Variants in IMMP2L observed in about 807,000 individuals in gnomAD.
IMMP2L encodes the protein inner mitochondrial membrane peptidase subunit 2.
A neutral mutation model predicts 19.3 loss-of-function variants in IMMP2L; 18 were observed. The ratio of observed to expected loss-of-function variants is 0.93; its 90% CI spans 0.64 to 1.38. The LOEUF (loss-of-function observed/expected upper bound fraction) is 1.38, where lower values mean the gene tolerates loss of function less well. Among genes scored for constraint, IMMP2L ranks in the 40% most tolerant of loss-of-function variants. The pLI, the probability that IMMP2L is intolerant of heterozygous loss-of-function variation, is 0.00. For missense variants in IMMP2L, 233 were observed against 218.2 expected, an observed-to-expected ratio of 1.07 and a Z score of -0.43; for synonymous variants, 76 against 73.0, an observed-to-expected ratio of 1.04 and a Z score of -0.21.
At chr7:111,033,167 A>G (rs1791005881) in intron 3 of IMMP2L, among the ~76,000 whole-genome samples, 1 of 152,306 alleles carries the variant, frequency 6.6e-6, no homozygotes, top group Admixed American at 6.5e-5. Flanking sequence ...AAAAATAAGA[A>G]TGGGCAAAAG....
At chr7:111,406,365 C>G (rs1029349111) in intron 3 of IMMP2L, among the ~76,000 whole-genome samples, 4 of 152,094 alleles carry the variant, frequency 2.6e-5, no homozygotes, top group Non-Finnish European at 5.9e-5. Context: ...ACTCAAGTCA[C>G]AACCATTTTC....
intron 3 of IMMP2L, among the ~76,000 whole-genome samples, chr7:111,004,682 A>G (rs746290972): frequency 5.9e-5 from 9 of 151,686 alleles, no homozygotes; most frequent in Non-Finnish European, 1.5e-5. Flanking sequence ...CAGTCACCCA[A>G]CCCCCTTCAA....
chr7:110,697,700 G>A (rs927466827), intron 5 of IMMP2L, among the ~76,000 whole-genome samples: 11 of 152,042 alleles, frequency 7.2e-5, no homozygotes, highest in African/African-American at 2.7e-4. Flanking sequence ...AGGCTGATTT[G>A]GGAAGATCAC....
chr7:111,281,910 ATGT>A (rs1483656703), intron 3 of IMMP2L, among the ~76,000 whole-genome samples: 1 of 152,186 alleles, frequency 6.6e-6, no homozygotes, highest in Non-Finnish European at 1.5e-5. Context: ...AAATCATGAA[ATGT>A]TGTTAAGCTA....
At chr7:111,169,880 T>TA (rs1381399054) in intron 3 of IMMP2L, among the ~76,000 whole-genome samples, 1 of 151,900 alleles carries the variant, frequency 6.6e-6, no homozygotes. Flanking sequence ...TCAGATCCAG[T>TA]GGTTCTCTTC....
intron 3 of IMMP2L, among the ~76,000 whole-genome samples, chr7:111,010,188 C>G (rs1002059172): frequency 6.6e-6 from 1 of 152,110 alleles, no homozygotes; most frequent in African/African-American, 2.4e-5. Flanking sequence ...TATCATTCTG[C>G]TTCCTTTCTT....
intron 3 of IMMP2L, among the ~76,000 whole-genome samples, chr7:111,058,963 C>CT (rs962695733): frequency 3.3e-5 from 5 of 151,798 alleles, no homozygotes; most frequent in African/African-American, 4.8e-5. Flanking sequence ...TCTCACATCT[C>CT]TTTTTTTTAA....
At position 111,547,396 on chromosome 7, in the gene IMMP2L, T is replaced by C. The variant is rs150165131; in HGVS notation, c.-3+14455A>G. Among the ~76,000 whole-genome samples, 408 of 152,112 alleles carry C rather than the reference T, an allele frequency of 2.7e-3. 6 individuals carry two copies. Among genetic ancestry groups the C allele is most frequent in the African/African-American group, 9.3e-3 (385 of 41,500 alleles). The stretch of plus-strand genomic sequence containing the variant: ...TCTAATAATAAAAAATCATAGTTGA[T>C]TCTCACTTTATCATAAAATCCAAAA... On this transcript the variant is annotated intron_variant, in intron 1 of 5. Coordinates refer to ENST00000405709, the MANE Select transcript of IMMP2L (RefSeq NM_032549.4).
intron 2 of IMMP2L, among the ~76,000 whole-genome samples, chr7:111,516,363 GA>G (rs1307600792): frequency 6.6e-6 from 1 of 151,768 alleles, no homozygotes; most frequent in African/African-American, 2.4e-5. Context: ...AGAGGAAGAG[GA>G]GGGGGAGGAG....
At chr7:111,267,687 T>C (rs1817976776) in intron 3 of IMMP2L, among the ~76,000 whole-genome samples, 1 of 152,170 alleles carries the variant, frequency 6.6e-6, no homozygotes, top group South Asian at 2.1e-4. Context: ...GGTAATATTT[T>C]TTTTCTTTTT....
chr7:111,421,934 C>T (rs1835597606), intron 3 of IMMP2L, among the ~76,000 whole-genome samples: 1 of 151,872 alleles, frequency 6.6e-6, no homozygotes, highest in Non-Finnish European at 1.5e-5. Context: ...CAGCTTTCTA[C>T]ATACAGCTAG....
intron 4 of IMMP2L, among the ~76,000 whole-genome samples, chr7:110,934,160 T>C (rs897458010): frequency 1.3e-5 from 2 of 152,232 alleles, no homozygotes; most frequent in Admixed American, 6.5e-5. Flanking sequence ...TGAGGGGGTT[T>C]CTTAATCCTG....
chr7:111,091,980 G>T (rs932668298), intron 3 of IMMP2L, among the ~76,000 whole-genome samples: 2 of 152,126 alleles, frequency 1.3e-5, no homozygotes, highest in Non-Finnish European at 2.9e-5. Context: ...TCTCTGTTTT[G>T]AAATCAACCC....
chr7:110,869,030 T>C (rs1230107154), intron 5 of IMMP2L, among the ~76,000 whole-genome samples: 1 of 152,136 alleles, frequency 6.6e-6, no homozygotes, highest in Non-Finnish European at 1.5e-5. Context: ...TAGAGAATGC[T>C]ATCACTTTTA....
At chr7:111,208,296 A>G (rs1471334163) in intron 3 of IMMP2L, among the ~76,000 whole-genome samples, 1 of 152,220 alleles carries the variant, frequency 6.6e-6, no homozygotes, top group Admixed American at 6.5e-5. Context: ...TTTATTTACT[A>G]TTTGTAATAG....
chr7:111,007,042 A>G lies in IMMP2L; in HGVS notation c.240-43477T>C, dbSNP rs148675985. Among the ~76,000 whole-genome samples, 1,204 of 152,198 alleles carry G rather than the reference A, an allele frequency of 7.9e-3. 19 individuals are homozygous for G. The highest frequency in any genetic ancestry group is 0.028 in the African/African-American group (1,161 of 41,528). On this transcript the variant is annotated intron_variant, in intron 3 of 5. Coordinates refer to ENST00000405709, the MANE Select transcript of IMMP2L (RefSeq NM_032549.4). The stretch of plus-strand genomic sequence containing the variant: ...CACTCTGCTATAAAGAATTTCCCTG[A>G]GACTGAGTAATTTATCAAGGAAAGG...
At chr7:111,341,468 C>A (rs192407909) in intron 3 of IMMP2L, among the ~76,000 whole-genome samples, 1 of 151,994 alleles carries the variant, frequency 6.6e-6, no homozygotes, top group East Asian at 1.9e-4. Flanking sequence ...TATATATACA[C>A]CAAATGAGAC....
At chr7:111,522,586 C>T (rs1448662310) in intron 1 of IMMP2L, among the ~76,000 whole-genome samples, 1 of 151,948 alleles carries the variant, frequency 6.6e-6, no homozygotes, top group Non-Finnish European at 1.5e-5. Flanking sequence ...CAAATCAAAA[C>T]CACATGGATA....
At chr7:110,984,971 G>A (rs1371587395) in intron 3 of IMMP2L, among the ~76,000 whole-genome samples, 2 of 151,938 alleles carry the variant, frequency 1.3e-5, no homozygotes, top group South Asian at 2.1e-4. Flanking sequence ...GTAATCACAG[G>A]GTCTTTAAAA....
Sources: allele counts gnomAD v4.1 joint callset (sites outside exome capture counted in the v4.1 genomes callset), GRCh38; gene constraint gnomAD v4.1.1; transcripts MANE v1.5; gene names NCBI Gene and HGNC (gene_info 2026-07-23, HGNC 2026-07-21).